FRAS1: variants seen among roughly 807,000 people sequenced by gnomAD.
FRAS1 encodes Fraser extracellular matrix complex subunit 1.
In FRAS1, 290 loss-of-function variants were observed where a neutral mutation model predicts 435.2. The ratio of observed to expected loss-of-function variants is 0.67; its 90% CI spans 0.61 to 0.73. The LOEUF (loss-of-function observed/expected upper bound fraction) is 0.73, where lower values mean the gene tolerates loss of function less well. FRAS1 is among the 30% of genes least tolerant of loss of function. FRAS1 has a pLI of 0.00. For missense variants in FRAS1, 4,860 were observed against 5,001.5 expected, an observed-to-expected ratio of 0.97 and a Z score of 0.85; for synonymous variants, 1,800 against 1,851.0, an observed-to-expected ratio of 0.97 and a Z score of 0.71.
At chr4:78,215,420 T>C (rs1723723509) in intron 2 of FRAS1, among the ~76,000 whole-genome samples, 1 of 152,160 alleles carries the variant, frequency 6.6e-6, no homozygotes, top group African/African-American at 2.4e-5. Flanking sequence ...GGTCTTGATC[T>C]CTTGACCTCG....
chr4:78,138,147 T>G (rs1720004182), intron 2 of FRAS1, among the ~76,000 whole-genome samples: 1 of 152,194 alleles, frequency 6.6e-6, no homozygotes, highest in Non-Finnish European at 1.5e-5. Flanking sequence ...TGCAGAAAGC[T>G]TCATATCCAG....
intron 61 of FRAS1, among the ~76,000 whole-genome samples, chr4:78,501,685 G>T (rs114635920): frequency 0.024 from 3,716 of 152,278 alleles, 73 homozygotes; most frequent in Middle Eastern, 0.044. Flanking sequence ...GTATCTCATT[G>T]TGGTTTCAAT....
At chr4:78,073,058 C>G (rs1047731313) in intron 2 of FRAS1, among the ~76,000 whole-genome samples, 3 of 152,116 alleles carry the variant, frequency 2.0e-5, no homozygotes, top group Non-Finnish European at 4.4e-5. Context: ...TGAAGGGTTT[C>G]TCCCCATTTA....
chr4:78,278,081 G>A (rs532705278), intron 9 of FRAS1, among the ~76,000 whole-genome samples: 12 of 152,310 alleles, frequency 7.9e-5, no homozygotes, highest in African/African-American at 2.6e-4. Context: ...TTACAGGCGT[G>A]ATCCACCACG....
chr4:78,438,307 T>C (rs1317542168), intron 38 of FRAS1, among the ~76,000 whole-genome samples: 2 of 152,230 alleles, frequency 1.3e-5, no homozygotes, highest in Admixed American at 1.3e-4. Context: ...TCTCTTTGTT[T>C]TATGCCACAT....
intron 29 of FRAS1, among the ~76,000 whole-genome samples, 191 bp from the exon 30 acceptor site, chr4:78,400,543 A>G (rs960829377): frequency 2.0e-5 from 3 of 152,230 alleles, no homozygotes; most frequent in Admixed American, 6.5e-5. Context: ...GGATATATAC[A>G]TATGTAAATA....
In FRAS1 at chr4:78,522,789, G is replaced by A; in HGVS notation, c.10789G>A (p.Ala3597Thr). 6.2e-7 allele frequency: 1 copy of A among 1,610,688 alleles called. No individual in the cohort carries two copies. Among genetic ancestry groups the A allele is most frequent in the Non-Finnish European group, 8.5e-7 (1 of 1,178,554 alleles). Reference sequence around the variant, plus strand: ...TGATTCTCCACATCAACTCTGGAGAGCCACAAGCTCTTATAACAGGTAAAT... The same window carrying A: ...TGATTCTCCACATCAACTCTGGAGAACCACAAGCTCTTATAACAGGTAAAT... The part of the protein sequence containing the change: ...TFDSPHQLWR[A>T]TSSYNRKDYS... The change falls in exon 69 of 74, where the codon GCC becomes ACC. Residue 3597 changes from alanine to threonine, a missense_variant. Coordinates refer to ENST00000512123, the MANE Select transcript of FRAS1 (RefSeq NM_025074.7).
In FRAS1 at chr4:78,209,006, G is replaced by A. The variant is rs944649839; in HGVS notation, c.109-28504G>A. Among the ~76,000 whole-genome samples, 35 of 152,186 alleles carry A rather than the reference G, an allele frequency of 2.3e-4. No individual in the cohort carries two copies. In the East Asian group the frequency reaches 2.3e-3, roughly 10 times the overall value. ...TAAAAAATAAAAAAATTAGCCAGGTGTAGTGGCACATGCCTGTGGTCCCAG... is the reference window on the plus strand; with the variant it reads ...TAAAAAATAAAAAAATTAGCCAGGTATAGTGGCACATGCCTGTGGTCCCAG... On this transcript the variant is annotated intron_variant, in intron 2 of 73. Coordinates refer to ENST00000512123, the MANE Select transcript of FRAS1 (RefSeq NM_025074.7).
intron 2 of FRAS1, among the ~76,000 whole-genome samples, chr4:78,201,237 A>T (rs1427586936): frequency 1.3e-5 from 2 of 152,192 alleles, no homozygotes; most frequent in African/African-American, 4.8e-5. Flanking sequence ...AAGAACTGTT[A>T]CTTTGATGAA....
intron 29 of FRAS1, among the ~76,000 whole-genome samples, chr4:78,399,303 T>G (rs947043706): frequency 6.6e-6 from 1 of 152,196 alleles, no homozygotes; most frequent in Non-Finnish European, 1.5e-5. Flanking sequence ...AGCAAAAGAA[T>G]AGATGTTGTT....
chr4:78,379,542 A>C, intron 26 of FRAS1, 184 bp from the exon 27 acceptor site: 1 of 610,582 alleles, frequency 1.6e-6, no homozygotes, highest in Non-Finnish European at 2.8e-6. Context: ...GGTCTTTTGT[A>C]ACAATGTAAT....
intron 2 of FRAS1, among the ~76,000 whole-genome samples, chr4:78,204,284 G>A (rs370003860): frequency 9.4e-4 from 143 of 152,224 alleles, no homozygotes; most frequent in African/African-American, 3.2e-3. Flanking sequence ...GTTTTAGAAC[G>A]AAACTACCAT....
intron 61 of FRAS1, among the ~76,000 whole-genome samples, chr4:78,506,721 C>T (rs1049371049): frequency 2.0e-5 from 3 of 148,494 alleles, no homozygotes; most frequent in Non-Finnish European, 3.0e-5. Context: ...TGAGGCGACG[C>T]CCCTCCCTGC....
At chr4:78,247,970 A>G (rs901995580) in intron 4 of FRAS1, among the ~76,000 whole-genome samples, 1 of 152,126 alleles carries the variant, frequency 6.6e-6, no homozygotes, top group African/African-American at 2.4e-5. Context: ...AAATAAAGGA[A>G]AGTGAAGGAC....
Position 78,477,853 on chromosome 4 carries a change from C to A in FRAS1, c.7890C>A (p.Thr2630=), listed in dbSNP as rs772388897. The A allele has an allele frequency of 6.2e-7, 1 of 1,613,494 alleles. No homozygotes were observed. The highest frequency in any genetic ancestry group is 8.5e-7 in the Non-Finnish European group (1 of 1,179,716). The part of the protein sequence containing the change: ...FDEREDTKSC[T]IVINDDDVFE... ...AGCGAGAGGACACCAAGTCCTGCAC[C>A]ATTGTCATCAACGATGATGACGTGT... Residue 2630 remains threonine (T), a synonymous_variant, in exon 55 of 74, where the codon ACC becomes ACA. Transcript: ENST00000512123.
At chr4:78,094,749 G>A (rs1455771130) in intron 2 of FRAS1, among the ~76,000 whole-genome samples, 2 of 152,052 alleles carry the variant, frequency 1.3e-5, no homozygotes, top group African/African-American at 4.8e-5. Context: ...ACTTAATTCA[G>A]TATAAAGTAC....
intron 31 of FRAS1, among the ~76,000 whole-genome samples, chr4:78,408,983 C>T (rs556186711): frequency 5.9e-5 from 9 of 151,318 alleles, no homozygotes; most frequent in African/African-American, 2.2e-4. Flanking sequence ...ATTAGCTGGG[C>T]ATGGTGGCAG....
intron 2 of FRAS1, among the ~76,000 whole-genome samples, chr4:78,164,234 T>C (rs1721251997): frequency 6.6e-6 from 1 of 152,134 alleles, no homozygotes; most frequent in Non-Finnish European, 1.5e-5. Context: ...GCTCAGGAGT[T>C]TCCATTGGAA....
intron 2 of FRAS1, among the ~76,000 whole-genome samples, chr4:78,156,529 A>G (rs751776189): frequency 5.3e-5 from 8 of 152,120 alleles, no homozygotes; most frequent in South Asian, 2.1e-4. Flanking sequence ...AGAGGAAACA[A>G]TGATGCCCAC....
Sources: allele counts gnomAD v4.1 joint callset (sites outside exome capture counted in the v4.1 genomes callset), GRCh38; gene constraint gnomAD v4.1.1; transcripts MANE v1.5; gene names NCBI Gene and HGNC (gene_info 2026-07-23, HGNC 2026-07-21).